The following HP variants were observed in gnomAD, a reference collection of about 807,000 sequenced individuals.
HP encodes haptoglobin.
Under a neutral mutation model 23.2 loss-of-function variants are expected in HP, and 9 were observed. The ratio of observed to expected loss-of-function variants is 0.39; its 90% CI spans 0.23 to 0.68. The LOEUF (loss-of-function observed/expected upper bound fraction) is 0.68. HP is among the 30% of genes least tolerant of loss of function. HP has a pLI of 0.47. For synonymous variants in HP, 155 were observed against 183.3 expected (o/e 0.85, Z 1.25); for missense variants, 433 against 483.6 (o/e 0.90, Z 0.98).
Position 72,060,788 on chromosome 16 carries a change from G to A in HP, c.1119G>A (p.Gly373=). 6.2e-7 allele frequency: 1 copy of A among 1,614,184 alleles called. No homozygotes were observed. Among genetic ancestry groups the A allele is most frequent in the Non-Finnish European group, 8.5e-7 (1 of 1,180,030 alleles). Residue 373 remains glycine (G), a synonymous_variant, in exon 7 of 7, where the codon GGG becomes GGA. Coordinates refer to ENST00000355906, the MANE Select transcript of HP (RefSeq NM_005143.5). ...DLEEDTWYAT[G]ILSFDKSCAV... is the part of the protein sequence containing the mutation. ...AGGAGGACACCTGGTATGCGACTGG[G>A]ATCTTAAGCTTTGATAAGAGCTGTG...
chr16:72,059,342 G>A, intron 6 of HP, 154 bp downstream of exon 6: 1 of 1,093,350 alleles, frequency 9.1e-7, no homozygotes, highest in Non-Finnish European at 1.3e-6. Flanking sequence ...AAGCAGTTAG[G>A]TGATGACTCC....
At position 72,060,749 on chromosome 16, in the gene HP, C is replaced by T. The variant is rs531798346; in HGVS notation, c.1080C>T (p.Ala360=). ...ATGGCGATGCGGGCAGTGCCTTTGC[C>T]GTTCACGACCTGGAGGAGGACACCT... ...TCYGDAGSAF[A]VHDLEEDTWY... The change falls in exon 7 of 7, where the codon GCC becomes GCT. Residue 360 remains alanine, a synonymous_variant. Coordinates refer to ENST00000355906, the MANE Select transcript of HP (RefSeq NM_005143.5). 15 of 1,614,142 alleles carry T rather than the reference C, an allele frequency of 9.3e-6. No individual in the cohort carries two copies. The highest frequency in any genetic ancestry group is 1.3e-5 in the African/African-American group (1 of 75,024).
rs769102218 is a variant in HP, at chr16:72,054,638, G to A, written c.-15G>A. The A allele has an allele frequency of 5.0e-6, 8 of 1,611,000 alleles. No individual in the cohort carries two copies. Among genetic ancestry groups the A allele is most frequent in the Middle Eastern group, 1.6e-4 (1 of 6,082 alleles). ...GCCCCACAGCACTGCTCTTCCAGAG[G>A]CAAGACCAACCAAGATGAGGTGGGT... On this transcript the variant is annotated 5_prime_UTR_variant, in exon 1 of 7. Coordinates refer to ENST00000355906, the MANE Select transcript of HP (RefSeq NM_005143.5).
chr16:72,060,869 G>C lies in HP; in HGVS notation c.1200G>C (p.Gln400His). The change falls in exon 7 of 7, where the codon CAG (glutamine) becomes CAC (histidine). Residue 400 changes from glutamine (Q) to histidine (H), a missense_variant. This residue lies in a region of HP where 326 missense variants were observed against 358.1 expected (regional missense o/e 0.91). Transcript: ENST00000355906. ...TGACTTCCATCCAGGACTGGGTTCA[G>C]AAGACCATAGCTGAGAACTAATGCA... ...VKVTSIQDWVQKTIAEN is the reference protein window; with the variant it reads ...VKVTSIQDWVHKTIAEN 6.3e-7 allele frequency: 1 copy of C among 1,598,296 alleles called. No individual in the cohort carries two copies. The highest frequency in any genetic ancestry group is 8.5e-7 in the Non-Finnish European group (1 of 1,172,274).
Position 72,059,343 on chromosome 16 carries a change from T to G in HP, c.442+155T>G, listed in dbSNP as rs572209170. The G allele has an allele frequency of 2.9e-4, 318 of 1,084,970 alleles. 2 individuals are homozygous for G. Among genetic ancestry groups the G allele is most frequent in the Middle Eastern group, 1.2e-3 (4 of 3,344 alleles). The allele number at this position is 1,084,970 out of a possible 1,614,324, so 67.2% of individuals were successfully genotyped here. A position where few individuals can be genotyped will look rare whatever the true frequency, so the allele number is the denominator to read the frequency against. On this transcript the variant is annotated intron_variant, in intron 6 of 6. Transcript: ENST00000355906. Reference sequence around the variant, plus strand: ...CCAGGGAGAGACTTAAGCAGTTAGGTGATGACTCCCTAAGGGTCACCAAGG... The same window carrying G: ...CCAGGGAGAGACTTAAGCAGTTAGGGGATGACTCCCTAAGGGTCACCAAGG...
In HP at chr16:72,057,733, C is replaced by T. The variant is rs959327772; in HGVS notation, c.265+267C>T. 1.8e-5 allele frequency: 8 copies of T among 450,984 alleles called. 1 individual carries two copies. The highest frequency in any genetic ancestry group is 4.3e-5 in the Admixed American group (1 of 23,054). The allele number at this position is 450,984 out of a possible 1,614,324, so 27.9% of individuals were successfully genotyped here. Reference sequence around the variant, plus strand: ...CACAGATCAGGAGAGCCTGTGCATACAGAGAGCCTGCTAGAAAGCCCTGGG... The same window carrying T: ...CACAGATCAGGAGAGCCTGTGCATATAGAGAGCCTGCTAGAAAGCCCTGGG... On this transcript the variant is annotated intron_variant, in intron 4 of 6. Transcript: ENST00000355906.
rs1413712258 is a variant in HP at position 72,059,452 on chromosome 16, G to C, written c.442+264G>C. On this transcript the variant is annotated intron_variant, in intron 6 of 6. Coordinates refer to ENST00000355906, the MANE Select transcript of HP (RefSeq NM_005143.5). ...GATTAGGAGAGCCTGTGCATACAGA[G>C]AGCCTGCTAGAGAGCCCTGGGTCTA... 5.4e-6 allele frequency: 3 copies of C among 557,402 alleles called. No individual in the cohort carries two copies. The African/African-American group carries it at 5.7e-5, about 11-fold the overall frequency. 34.5% of individuals were successfully genotyped at this position (557,402 alleles called of 1,614,324 possible). A position where few individuals can be genotyped will look rare whatever the true frequency, so the allele number is the denominator to read the frequency against.
At chr16:72,056,073 G>A (rs1567583077) in intron 1 of HP, 88 bp from the exon 2 acceptor site, 2 of 1,518,940 alleles carry the variant, frequency 1.3e-6, no homozygotes, top group Admixed American at 3.4e-5. Context: ...GTGTGTGTGT[G>A]TGTGTACATG....
chr16:72,056,284 C>A, intron 2 of HP, 41 bp downstream of exon 2: 1 of 1,593,196 alleles, frequency 6.3e-7, no homozygotes, highest in Non-Finnish European at 8.6e-7. Flanking sequence ...CCCACTCTGA[C>A]CCTCTCGGGT....
rs539591346 is a variant in HP at position 72,055,824 on chromosome 16, T to G, written c.6-337T>G. On this transcript the variant is annotated intron_variant, in intron 1 of 6. Transcript: ENST00000355906. ...TGGAGGGCTCCTGTATTATTGCCAA[T>G]GTACTTTCCTGAATGCAGCCAGAAA... is the stretch of plus-strand genomic sequence containing the variant. The G allele has an allele frequency of 4.0e-4, 149 of 371,694 alleles. 5 individuals are homozygous for G. The highest frequency in any genetic ancestry group is 3.0e-3 in the South Asian group (142 of 46,580). 23.0% of individuals were successfully genotyped at this position (371,694 alleles called of 1,614,324 possible).
rs888806162 is a variant in HP at position 72,055,939 on chromosome 16, G to A, written c.6-222G>A. The A allele has an allele frequency of 1.3e-4, 99 of 751,336 alleles. No homozygotes were observed. In the African/African-American group the frequency reaches 1.4e-3, roughly 11 times the overall value. The allele number at this position is 751,336 out of a possible 1,614,324, so 46.5% of individuals were successfully genotyped here. On this transcript the variant is annotated intron_variant, in intron 1 of 6. Transcript: ENST00000355906. The stretch of plus-strand genomic sequence containing the variant: ...CAGGACAGGGCTTGCTGGAAGCTTG[G>A]TATGCTCAGAAGCTGCTAAAGTGTG...
At chr16:72,055,704 G>C (rs150835646) in intron 1 of HP, 1 of 207,112 alleles carries the variant, frequency 4.8e-6, no homozygotes, top group Non-Finnish European at 1.0e-5. Context: ...TCAAGAAGTA[G>C]AGGAATAGCA....
rs369612944 is a variant in HP at position 72,060,778 on chromosome 16, A to T, written c.1109A>T (p.Tyr370Phe). The T allele has an allele frequency of 3.1e-5, 50 of 1,614,086 alleles. No individual in the cohort carries two copies. Among genetic ancestry groups the T allele is most frequent in the Non-Finnish European group, 4.2e-5 (49 of 1,180,044 alleles). ...CACGACCTGGAGGAGGACACCTGGT[A>T]TGCGACTGGGATCTTAAGCTTTGAT... is the stretch of plus-strand genomic sequence containing the variant. ...AVHDLEEDTWYATGILSFDKS... is the reference protein window; with the variant it reads ...AVHDLEEDTWFATGILSFDKS... The change falls in exon 7 of 7, where the codon TAT becomes TTT. Residue 370 changes from tyrosine to phenylalanine, a missense_variant. Transcript: ENST00000355906.
chr16:72,060,736 G>T lies in HP; in HGVS notation c.1067G>T (p.Gly356Val), dbSNP rs758854988. 6.2e-7 allele frequency: 1 copy of T among 1,614,050 alleles called. No individual in the cohort carries two copies. Among genetic ancestry groups the T allele is most frequent in the Non-Finnish European group, 8.5e-7 (1 of 1,180,046 alleles). The change falls in exon 7 of 7, where the codon GGC becomes GTC. Residue 356 changes from glycine to valine, a missense_variant. Physicochemically the swap from Gly to Val is moderately radical, Grantham distance 109. Transcript: ENST00000355906. The stretch of plus-strand genomic sequence containing the variant: ...GAAGACACCTGCTATGGCGATGCGG[G>T]CAGTGCCTTTGCCGTTCACGACCTG... ...YQEDTCYGDA[G>V]SAFAVHDLEE...
chr16:72,054,533 C>G lies in HP; in HGVS notation c.-120C>G. The G allele has an allele frequency of 1.3e-6, 2 of 1,572,776 alleles. No individual in the cohort carries two copies. Among genetic ancestry groups the G allele is most frequent in the Non-Finnish European group, 1.7e-6 (2 of 1,157,296 alleles). ...GGAAAAGATAGTGACCTTACCAGGG[C>G]CAAAGTTTGTAGACACAGGAATTAC... On this transcript the variant is annotated 5_prime_UTR_variant, in exon 1 of 7. Coordinates refer to ENST00000355906, the MANE Select transcript of HP (RefSeq NM_005143.5).
At position 72,060,734 on chromosome 16, in the gene HP, G is replaced by A. The variant is rs769120069; in HGVS notation, c.1065G>A (p.Ala355=). The A allele has an allele frequency of 8.7e-6, 14 of 1,614,008 alleles. No homozygotes were observed. Among genetic ancestry groups the A allele is most frequent in the African/African-American group, 5.3e-5 (4 of 74,904 alleles). ...AAGAAGACACCTGCTATGGCGATGC[G>A]GGCAGTGCCTTTGCCGTTCACGACC... ...KYQEDTCYGD[A]GSAFAVHDLE... The change falls in exon 7 of 7, where the codon GCG becomes GCA. Residue 355 remains alanine (A), a synonymous_variant. Coordinates refer to ENST00000355906, the MANE Select transcript of HP (RefSeq NM_005143.5).
intron 6 of HP, 181 bp from the exon 7 acceptor site, chr16:72,059,931 T>G (rs2041514480): frequency 1.5e-6 from 2 of 1,375,414 alleles, no homozygotes; most frequent in African/African-American, 2.9e-5. Flanking sequence ...GTAAACAATT[T>G]AAAAAACAGA....
chr16:72,057,326 C>T, intron 3 of HP, 66 bp from the exon 4 acceptor site: 2 of 612,162 alleles, frequency 3.3e-6, no homozygotes, highest in Non-Finnish European at 6.0e-6. Context: ...CCTTAAATGC[C>T]TTCTCACTCT....
rs758225033 is a variant in HP, at chr16:72,060,713, A to G, written c.1044A>G (p.Glu348=). 1.0e-4 allele frequency: 163 copies of G among 1,614,074 alleles called. No individual in the cohort carries two copies. The highest frequency in any genetic ancestry group is 1.3e-4 in the Non-Finnish European group (156 of 1,180,050). The change falls in exon 7 of 7, where the codon GAA becomes GAG. Residue 348 remains glutamate, a synonymous_variant. Coordinates refer to ENST00000355906, the MANE Select transcript of HP (RefSeq NM_005143.5). ...TFCAGMSKYQ[E]DTCYGDAGSA... ...GTGCTGGCATGTCTAAGTACCAAGAAGACACCTGCTATGGCGATGCGGGCA... is the reference window on the plus strand; with the variant it reads ...GTGCTGGCATGTCTAAGTACCAAGAGGACACCTGCTATGGCGATGCGGGCA...
Sources: gnomAD v4.1 joint callset for allele counts on GRCh38, gnomAD v4.1.1 for gene constraint, gnomAD v4.1.1 regional missense constraint, MANE v1.5 for transcripts, NCBI Gene and HGNC (gene_info 2026-07-23, HGNC 2026-07-21) for gene names.